Variants in MBD2 observed in about 807,000 individuals in gnomAD.
MBD2 encodes the protein methyl-CpG-binding domain protein 2.
MBD2 carries 9 observed loss-of-function variants against 39.3 expected under a neutral mutation model. That is an observed-to-expected ratio of 0.23 (90% confidence interval 0.14 to 0.40). The LOEUF (loss-of-function observed/expected upper bound fraction) is 0.40, where lower values mean the gene tolerates loss of function less well. Among genes scored for constraint, MBD2 ranks in the 10% least tolerant of loss-of-function variants. The probability of loss-of-function intolerance (pLI) is 1.00; values close to 1 mark genes in which losing one functional copy is unlikely to be tolerated. For synonymous variants in MBD2, 233 were observed against 211.1 expected, an observed-to-expected ratio of 1.10 and a Z score of -0.90; for missense variants, 458 against 532.6, an observed-to-expected ratio of 0.86 and a Z score of 1.38.
At chr18:54,213,531 G>A (rs893839280) in intron 1 of MBD2, among the ~76,000 whole-genome samples, 6 of 152,008 alleles carry the variant, frequency 3.9e-5, no homozygotes, top group South Asian at 2.1e-4. Context: ...ACTAAAATGC[G>A]AAAAAATGAA....
intron 2 of MBD2, among the ~76,000 whole-genome samples, chr18:54,191,791 T>A (rs1341934730): frequency 6.6e-6 from 1 of 152,236 alleles, no homozygotes; most frequent in Non-Finnish European, 1.5e-5. Flanking sequence ...TATTGGGCAA[T>A]CCTGTCATTC....
intron 2 of MBD2, among the ~76,000 whole-genome samples, chr18:54,189,930 T>A (rs2086309327): frequency 6.6e-6 from 1 of 152,116 alleles, no homozygotes. Context: ...ATTACAGGTG[T>A]GAGCCTCCAC....
chr18:54,194,198 G>A (rs946829322), intron 2 of MBD2, among the ~76,000 whole-genome samples: 13 of 143,718 alleles, frequency 9.0e-5, no homozygotes, highest in Non-Finnish European at 1.7e-4. Flanking sequence ...AGTTGCAAAG[G>A]ATGCACTTAC....
Position 54,224,209 on chromosome 18 carries a change from A to ACCGCTG in MBD2, c.345_350dup (p.Ser116_Gly117dup), listed in dbSNP as rs1332162772. Reference sequence around the variant, plus strand: ...GCTCCCGCCGGGGGGCGCCGCCGCCACCGCTGCCGCCGCCGCCGCAGCCGC... The same window carrying ACCGCTG: ...GCTCCCGCCGGGGGGCGCCGCCGCCACCGCTGCCGCTGCCGCCGCCGCCGCAGCCGC... On this transcript the variant is annotated inframe_insertion, in exon 1 of 7. Coordinates refer to ENST00000256429, the MANE Select transcript of MBD2 (RefSeq NM_003927.5). 23 of 1,160,796 alleles carry ACCGCTG rather than the reference A, an allele frequency of 2.0e-5. No individual in the cohort carries two copies. In the South Asian group the frequency reaches 7.6e-4, roughly 38 times the overall value. The allele number at this position is 1,160,796 out of a possible 1,614,324, so 71.9% of individuals were successfully genotyped here. A position where few individuals can be genotyped will look rare whatever the true frequency, so the allele number is the denominator to read the frequency against.
Position 54,195,470 on chromosome 18 carries a change from G to A in MBD2, c.703-6459C>T, listed in dbSNP as rs372974748. ...TAATTCTGTGGTTTTTGCATACACC[G>A]CACACTCCCCAAAAGATACTCCAAT... is the stretch of plus-strand genomic sequence containing the variant. On this transcript the variant is annotated intron_variant, in intron 2 of 6. Transcript: ENST00000256429. Among the ~76,000 whole-genome samples, 72 of 151,888 alleles carry A rather than the reference G, an allele frequency of 4.7e-4. 1 individual carries two copies. The South Asian group carries it at 0.012, about 26-fold the overall frequency.
At chr18:54,200,291 G>A (rs924226900) in intron 2 of MBD2, among the ~76,000 whole-genome samples, 1 of 152,206 alleles carries the variant, frequency 6.6e-6, no homozygotes, top group African/African-American at 2.4e-5. Context: ...GCAATTTGTA[G>A]AATATGTCAT....
intron 3 of MBD2, among the ~76,000 whole-genome samples, chr18:54,168,338 G>T (rs1211895979): frequency 6.6e-6 from 1 of 151,176 alleles, no homozygotes; most frequent in Non-Finnish European, 1.5e-5. Context: ...AATAAATCCT[G>T]GACTGAAATA....
chr18:54,222,860 T>C (rs1019247850), intron 1 of MBD2, among the ~76,000 whole-genome samples: 1 of 152,250 alleles, frequency 6.6e-6, no homozygotes, highest in Non-Finnish European at 1.5e-5. Context: ...TGTATGTACA[T>C]TTCTTTAACC....
intron 2 of MBD2, among the ~76,000 whole-genome samples, chr18:54,195,956 G>T (rs1048856810): frequency 6.6e-6 from 1 of 152,164 alleles, no homozygotes; most frequent in African/African-American, 2.4e-5. Context: ...AGTAATTGGA[G>T]ATTTGCTCCA....
At chr18:54,208,754 A>G (rs2086474300) in intron 1 of MBD2, among the ~76,000 whole-genome samples, 1 of 152,240 alleles carries the variant, frequency 6.6e-6, no homozygotes, top group Non-Finnish European at 1.5e-5. Flanking sequence ...TCCTTATCTT[A>G]AAGTTGAAAT....
intron 2 of MBD2, among the ~76,000 whole-genome samples, chr18:54,203,484 T>C (rs1599101183): frequency 6.6e-6 from 1 of 152,222 alleles, no homozygotes. Flanking sequence ...ATCTTCATAA[T>C]GACCAACTCA....
intron 2 of MBD2, among the ~76,000 whole-genome samples, chr18:54,199,506 GA>G (rs2086390145): frequency 6.6e-6 from 1 of 152,104 alleles, no homozygotes; most frequent in Non-Finnish European, 1.5e-5. Context: ...ACTATGAAAG[GA>G]GTTCTCAAAG....
intron 1 of MBD2, among the ~76,000 whole-genome samples, chr18:54,219,555 G>A (rs2144355010): frequency 6.6e-6 from 1 of 152,270 alleles, no homozygotes; most frequent in Middle Eastern, 3.4e-3. Flanking sequence ...TATCAGAAAA[G>A]GCTTTTTATT....
chr18:54,205,290 TGC>T, intron 1 of MBD2, 133 bp from the exon 2 acceptor site: 3 of 865,384 alleles, frequency 3.5e-6, no homozygotes, highest in Non-Finnish European at 5.2e-6. Context: ...GTTAAAGTTT[TGC>T]TAGGCGCGAT....
rs1348561535 is a variant in MBD2, at chr18:54,188,854, A to G, written c.840+20T>C. The G allele has an allele frequency of 6.3e-7, 1 of 1,576,010 alleles. No homozygotes were observed. The highest frequency in any genetic ancestry group is 1.8e-5 in the Admixed American group (1 of 57,104). ...GCATTTTTCTGAAAAATAAGATTGG[A>G]GAACGAATTAGATCCTTACCTGACG... On this transcript the variant is annotated intron_variant, in intron 3 of 6. Coordinates refer to ENST00000256429, the MANE Select transcript of MBD2 (RefSeq NM_003927.5).
At chr18:54,169,372 T>C (rs1329856804) in intron 3 of MBD2, among the ~76,000 whole-genome samples, 1 of 151,028 alleles carries the variant, frequency 6.6e-6, no homozygotes. Context: ...AATTCCATGA[T>C]CTTTTCTCAT....
intron 1 of MBD2, among the ~76,000 whole-genome samples, chr18:54,217,683 A>G (rs1433545926): frequency 6.6e-6 from 1 of 152,238 alleles, no homozygotes; most frequent in Non-Finnish European, 1.5e-5. Context: ...AAACTAAATT[A>G]TGAAAAAAAT....
intron 6 of MBD2, among the ~76,000 whole-genome samples, chr18:54,158,298 T>C (rs1451328770): frequency 1.3e-5 from 2 of 152,136 alleles, no homozygotes; most frequent in Non-Finnish European, 2.9e-5. Context: ...GGAACACTTT[T>C]ACCCAAACCT....
chr18:54,170,228 A>G (rs1056581077), intron 3 of MBD2, among the ~76,000 whole-genome samples: 1 of 152,218 alleles, frequency 6.6e-6, no homozygotes, highest in Admixed American at 6.5e-5. Flanking sequence ...AAGAACAAAC[A>G]TGAAGGTGTA....
Sources: allele counts gnomAD v4.1 joint callset (sites outside exome capture counted in the v4.1 genomes callset), GRCh38; gene constraint gnomAD v4.1.1; transcripts MANE v1.5; gene names NCBI Gene and HGNC (gene_info 2026-07-23, HGNC 2026-07-21).